FGD4: variants seen among roughly 807,000 people sequenced by gnomAD.
FGD4 encodes FYVE, RhoGEF and PH domain-containing protein 4.
FGD4 carries 42 observed loss-of-function variants against 102.0 expected under a neutral mutation model. That is an observed-to-expected ratio of 0.41 (90% CI 0.32 to 0.53). The LOEUF is 0.53. Among genes scored for constraint, FGD4 ranks in the 20% least tolerant of loss-of-function variants. The pLI is 0.21. For missense variants in FGD4, 902 were observed against 1,078.2 expected (o/e 0.84, Z 2.29); for synonymous variants, 380 against 375.7 (o/e 1.01, Z -0.13).
intron 1 of FGD4, among the ~76,000 whole-genome samples, chr12:32,539,290 C>T (rs1045671924): frequency 6.6e-6 from 1 of 152,072 alleles, no homozygotes; most frequent in Non-Finnish European, 1.5e-5. Flanking sequence ...AATACACGGG[C>T]CAGGTGCGGT....
chr12:32,521,840 C>T (rs568356057), intron 1 of FGD4, among the ~76,000 whole-genome samples: 7 of 152,102 alleles, frequency 4.6e-5, no homozygotes, highest in Non-Finnish European at 7.4e-5. Flanking sequence ...TTTACTAATA[C>T]GAGATTATTT....
intron 1 of FGD4, among the ~76,000 whole-genome samples, chr12:32,479,336 T>G (rs994640094): frequency 6.6e-6 from 1 of 152,104 alleles, no homozygotes; most frequent in African/African-American, 2.4e-5. Flanking sequence ...GTCATATAAC[T>G]AAAGTTTTGT....
intron 1 of FGD4, among the ~76,000 whole-genome samples, chr12:32,562,425 CT>C (rs1565843470): frequency 2.0e-5 from 3 of 152,220 alleles, no homozygotes; most frequent in East Asian, 3.9e-4. Context: ...TTTTATTTTT[CT>C]TTTTTATTGA....
At chr12:32,488,704 G>T (rs1347827694) in intron 1 of FGD4, among the ~76,000 whole-genome samples, 2 of 151,860 alleles carry the variant, frequency 1.3e-5, no homozygotes, top group African/African-American at 2.4e-5. Context: ...ACTTTAGGAG[G>T]CCAAGGTGGG....
chr12:32,411,704 G>A (rs1198229390), intron 1 of FGD4, among the ~76,000 whole-genome samples: 1 of 152,182 alleles, frequency 6.6e-6, no homozygotes, highest in Non-Finnish European at 1.5e-5. Flanking sequence ...GTTGAGTGCA[G>A]TGGCTTACGC....
At chr12:32,407,847 C>G (rs4931622) in intron 1 of FGD4, among the ~76,000 whole-genome samples, 73,068 of 151,822 alleles carry the variant, frequency 0.48, 19,211 homozygotes, top group African/African-American at 0.7. Context: ...CTCCTTTTTA[C>G]TAATCTGGCA....
At chr12:32,473,718 C>G (rs540066689) in intron 1 of FGD4, among the ~76,000 whole-genome samples, 11 of 152,124 alleles carry the variant, frequency 7.2e-5, no homozygotes, top group Non-Finnish European at 1.5e-4. Context: ...TCCGTTCTTC[C>G]CCACTTTCCA....
At chr12:32,400,076 G>A in intron 1 of FGD4, 117 bp downstream of exon 1, 1 of 1,354,822 alleles carries the variant, frequency 7.4e-7, no homozygotes, top group African/African-American at 1.5e-5. Flanking sequence ...TAACTGGTTC[G>A]GGAGGTTCAT....
At chr12:32,626,178 C>T (rs1165725416) in intron 14 of FGD4, among the ~76,000 whole-genome samples, 1 of 152,198 alleles carries the variant, frequency 6.6e-6, no homozygotes, top group Non-Finnish European at 1.5e-5. Context: ...GGCGCAGTGG[C>T]TTACGCCTAT....
At chr12:32,487,839 T>C (rs1943958676) in intron 1 of FGD4, among the ~76,000 whole-genome samples, 1 of 152,248 alleles carries the variant, frequency 6.6e-6, no homozygotes, top group African/African-American at 2.4e-5. Flanking sequence ...TAGCTGGGAC[T>C]ATGGGCAAGT....
At position 32,450,920 on chromosome 12, in the gene FGD4, T is replaced by G. The variant is rs1942756583; in HGVS notation, c.166+50961T>G. Among the ~76,000 whole-genome samples, 3 of 152,234 alleles carry G rather than the reference T, an allele frequency of 2.0e-5. No homozygotes were observed. In the South Asian group the frequency reaches 6.2e-4, roughly 31 times the overall value. Reference sequence around the variant, plus strand: ...CTCTGTGTAACCAGTCTCCCATTGCTGCTGCTCCCTCCCTCTGTGCAGATG... The same window carrying G: ...CTCTGTGTAACCAGTCTCCCATTGCGGCTGCTCCCTCCCTCTGTGCAGATG... On this transcript the variant is annotated intron_variant, in intron 1 of 16. Transcript: ENST00000534526.
At chr12:32,558,587 G>A (rs897562906) in intron 1 of FGD4, among the ~76,000 whole-genome samples, 1 of 152,220 alleles carries the variant, frequency 6.6e-6, no homozygotes, top group Non-Finnish European at 1.5e-5. Flanking sequence ...GAATGATTTG[G>A]TAAAATGTAA....
chr12:32,457,474 G>T (rs988993828), intron 1 of FGD4, among the ~76,000 whole-genome samples: 2 of 152,172 alleles, frequency 1.3e-5, no homozygotes, highest in South Asian at 4.1e-4. Flanking sequence ...CATGCCACAA[G>T]TATATGTCAC....
At chr12:32,583,156 G>A (rs1565870892) in intron 4 of FGD4, among the ~76,000 whole-genome samples, 1 of 152,082 alleles carries the variant, frequency 6.6e-6, no homozygotes, top group Non-Finnish European at 1.5e-5. Flanking sequence ...GGGCAACATG[G>A]TGAGAGCCCA....
At chr12:32,445,648 C>G (rs893795226) in intron 1 of FGD4, among the ~76,000 whole-genome samples, 2 of 152,126 alleles carry the variant, frequency 1.3e-5, no homozygotes, top group Non-Finnish European at 2.9e-5. Flanking sequence ...TTCAAATGGT[C>G]ATATAAGCAG....
At chr12:32,509,692 G>A (rs1397803395) in intron 1 of FGD4, among the ~76,000 whole-genome samples, 1 of 152,176 alleles carries the variant, frequency 6.6e-6, no homozygotes, top group African/African-American at 2.4e-5. Flanking sequence ...AGAGAAAAGA[G>A]GATGTATAGA....
At chr12:32,554,721 G>C (rs1486676469) in intron 1 of FGD4, among the ~76,000 whole-genome samples, 1 of 152,266 alleles carries the variant, frequency 6.6e-6, no homozygotes, top group African/African-American at 2.4e-5. Flanking sequence ...ATGTGGACAA[G>C]ATGCAATTTG....
At chr12:32,533,044 A>AT (rs1208555865) in intron 1 of FGD4, among the ~76,000 whole-genome samples, 1 of 152,150 alleles carries the variant, frequency 6.6e-6, no homozygotes, top group Non-Finnish European at 1.5e-5. Context: ...CCTGCCTGAC[A>AT]TCCATCAGCT....
chr12:32,402,414 G>GGA (rs147073939), intron 1 of FGD4, among the ~76,000 whole-genome samples: 32 of 149,324 alleles, frequency 2.1e-4, no homozygotes, highest in Admixed American at 7.4e-4. Context: ...AGAGGGAGAG[G>GGA]GAGAGAGAGA....
Sources: gnomAD v4.1 joint callset for allele counts (sites outside exome capture counted in the v4.1 genomes callset) on GRCh38, gnomAD v4.1.1 for gene constraint, MANE v1.5 for transcripts, NCBI Gene and HGNC (gene_info 2026-07-23, HGNC 2026-07-21) for gene names.